The following NHEJ1 variants were observed in gnomAD, a reference collection of about 807,000 sequenced individuals.
NHEJ1 encodes the protein non-homologous end joining factor 1.
NHEJ1 carries 22 observed loss-of-function variants against 39.4 expected under a neutral mutation model. The observed-to-expected ratio is 0.56, with a 90% CI of 0.40 to 0.80. The LOEUF is 0.80. NHEJ1 is among the 30% of genes least tolerant of loss of function. The pLI is 0.00. For missense variants in NHEJ1, 329 were observed against 357.1 expected, an observed-to-expected ratio of 0.92 and a Z score of 0.63; for synonymous variants, 154 against 135.6, an observed-to-expected ratio of 1.14 and a Z score of -0.94.
chr2:219,117,867 A>T (rs1949430651), intron 5 of NHEJ1, among the ~76,000 whole-genome samples: 1 of 152,238 alleles, frequency 6.6e-6, no homozygotes, highest in South Asian at 2.1e-4. Context: ...TATAGCCAGG[A>T]TGCCTGGCAT....
intron 5 of NHEJ1, among the ~76,000 whole-genome samples, chr2:219,142,570 T>A (rs924617542): frequency 6.6e-6 from 1 of 152,174 alleles, no homozygotes; most frequent in Non-Finnish European, 1.5e-5. Flanking sequence ...CCACACAGCC[T>A]GATGGCAACC....
chr2:219,083,160 A>G (rs1317168934), intron 5 of NHEJ1, among the ~76,000 whole-genome samples: 1 of 152,222 alleles, frequency 6.6e-6, no homozygotes, highest in African/African-American at 2.4e-5. Flanking sequence ...CAAAAGAGAT[A>G]AAATTCCCTG....
chr2:219,080,761 T>C (rs1473944641), intron 5 of NHEJ1, among the ~76,000 whole-genome samples: 1 of 151,348 alleles, frequency 6.6e-6, no homozygotes, highest in Non-Finnish European at 1.5e-5. Context: ...ATTAAACCAT[T>C]TTTGTGTTTT....
chr2:219,101,800 A>G (rs1949263820), intron 5 of NHEJ1, among the ~76,000 whole-genome samples: 1 of 148,008 alleles, frequency 6.8e-6, no homozygotes. Flanking sequence ...ATCTCAGCTC[A>G]CCGCAACTTC....
rs527601770 is a variant in NHEJ1, at chr2:219,155,012, T to C, written c.390+2460A>G. On this transcript the variant is annotated intron_variant, in intron 3 of 7. Transcript: ENST00000356853. ...ATTAATCTATAATATAGATATACTA[T>C]ATAATTGTAATATCATTATATTAGT... is the stretch of plus-strand genomic sequence containing the variant. Among the ~76,000 whole-genome samples the C allele has an allele frequency of 8.1e-5, 12 of 149,018 alleles. No individual in the cohort carries two copies. In the South Asian group the frequency reaches 2.3e-3, roughly 29 times the overall value.
Position 219,071,197 on chromosome 2 carries a change from G to T in NHEJ1, c.*5184C>A, listed in dbSNP as rs957385216. ...CACCATCCCCTGCTCAGCCTTCAAG[G>T]CCTGAGGTAGGAGGGAAAAGCCAGG... On this transcript the variant is annotated 3_prime_UTR_variant, in exon 8 of 8. Transcript: ENST00000356853. 1.3e-5 allele frequency among the ~76,000 whole-genome samples: 2 copies of T among 152,162 alleles called. No individual in the cohort carries two copies. The highest frequency in any genetic ancestry group is 4.8e-5 in the African/African-American group (2 of 41,436).
chr2:219,087,482 C>T (rs1253899989), intron 5 of NHEJ1, among the ~76,000 whole-genome samples: 1 of 152,002 alleles, frequency 6.6e-6, no homozygotes, highest in Non-Finnish European at 1.5e-5. Flanking sequence ...GTAGGACCTC[C>T]ACCACCAAAA....
intron 5 of NHEJ1, among the ~76,000 whole-genome samples, chr2:219,103,004 C>CAAA (rs34361973): frequency 6.0e-4 from 19 of 31,554 alleles, no homozygotes; most frequent in South Asian, 2.6e-3. Flanking sequence ...GACTCCGTCT[C>CAAA]AAAAAAAAAA....
intron 6 of NHEJ1, among the ~76,000 whole-genome samples, chr2:219,077,798 G>C (rs114040187): frequency 6.6e-6 from 1 of 152,140 alleles, no homozygotes; most frequent in African/African-American, 2.4e-5. Context: ...CTTTCTCCTG[G>C]TTCTTTTGCT....
At chr2:219,096,648 A>G (rs1949211023) in intron 5 of NHEJ1, among the ~76,000 whole-genome samples, 1 of 152,202 alleles carries the variant, frequency 6.6e-6, no homozygotes. Context: ...ATGAGATGAC[A>G]TTTAGCAAAG....
intron 5 of NHEJ1, among the ~76,000 whole-genome samples, chr2:219,123,296 G>A (rs567946828): frequency 6.6e-6 from 1 of 152,248 alleles, no homozygotes; most frequent in South Asian, 2.1e-4. Flanking sequence ...GGAGTTTCCA[G>A]CCCCATACCC....
chr2:219,098,792 A>T (rs967776887), intron 5 of NHEJ1, among the ~76,000 whole-genome samples: 2 of 152,194 alleles, frequency 1.3e-5, no homozygotes, highest in African/African-American at 2.4e-5. Flanking sequence ...CTCTAAAAAA[A>T]TTTTTTAAAT....
intron 2 of NHEJ1, among the ~76,000 whole-genome samples, 181 bp downstream of exon 2, chr2:219,157,989 TCTCACACACACACACA>T (rs1306088244): frequency 2.9e-4 from 34 of 119,068 alleles, no homozygotes; most frequent in South Asian, 8.5e-4. Flanking sequence ...TCTCTCTCTC[TCTCACACACACACACA>T]CACACACACA....
chr2:219,142,879 C>G (rs777234490), intron 5 of NHEJ1, among the ~76,000 whole-genome samples: 2 of 152,224 alleles, frequency 1.3e-5, no homozygotes, highest in Non-Finnish European at 2.9e-5. Flanking sequence ...AGTTAGGCCA[C>G]TATCAACTGG....
chr2:219,093,204 T>C (rs1277552438), intron 5 of NHEJ1, among the ~76,000 whole-genome samples: 1 of 152,036 alleles, frequency 6.6e-6, no homozygotes, highest in Non-Finnish European at 1.5e-5. Flanking sequence ...TCGAATACCT[T>C]AGGGAGGAGG....
intron 2 of NHEJ1, 29 bp downstream of exon 2, chr2:219,158,157 G>A (rs200205007): frequency 2.5e-4 from 409 of 1,612,898 alleles, no homozygotes; most frequent in Non-Finnish European, 3.1e-4. Flanking sequence ...TCACATCCCC[G>A]ACACAGCAGT....
At chr2:219,084,304 G>C (rs771734961) in intron 5 of NHEJ1, among the ~76,000 whole-genome samples, 1 of 152,170 alleles carries the variant, frequency 6.6e-6, no homozygotes, top group Non-Finnish European at 1.5e-5. Flanking sequence ...ACCACGCTTG[G>C]TTCTGCTATT....
chr2:219,119,364 G>A (rs1292857608), intron 5 of NHEJ1, among the ~76,000 whole-genome samples: 1 of 152,174 alleles, frequency 6.6e-6, no homozygotes, highest in Non-Finnish European at 1.5e-5. Flanking sequence ...GACAGAAAGT[G>A]AACTGTCTTC....
chr2:219,158,097 C>A (rs1949874898), intron 2 of NHEJ1, 89 bp downstream of exon 2: 3 of 1,364,520 alleles, frequency 2.2e-6, no homozygotes, highest in African/African-American at 2.9e-5. Flanking sequence ...ATTGTCTCAA[C>A]CCGATTCAAC....
Sources: allele counts gnomAD v4.1 joint callset (sites outside exome capture counted in the v4.1 genomes callset), GRCh38; gene constraint gnomAD v4.1.1; transcripts MANE v1.5; gene names NCBI Gene and HGNC (gene_info 2026-07-23, HGNC 2026-07-21).